Variants in NYAP2 observed in about 807,000 individuals in gnomAD.
NYAP2 encodes neuronal tyrosine-phosphorylated phosphoinositide-3-kinase adapter 2.
In NYAP2, 23 loss-of-function variants were observed where a neutral mutation model predicts 50.4. That is an observed-to-expected ratio of 0.46 (90% CI 0.33 to 0.65). NYAP2 has a LOEUF of 0.65. NYAP2 is among the 30% of genes least tolerant of loss of function. NYAP2 has a pLI of 0.02. For missense variants in NYAP2, 885 were observed against 861.0 expected (o/e 1.03, Z -0.35); for synonymous variants, 394 against 365.2 (o/e 1.08, Z -0.90).
At chr2:225,485,951 C>A (rs1690291673) in intron 3 of NYAP2, among the ~76,000 whole-genome samples, 1 of 152,202 alleles carries the variant, frequency 6.6e-6, no homozygotes, top group African/African-American at 2.4e-5. Context: ...ACCCCTCCCC[C>A]AGTCATGACA....
At chr2:225,491,916 T>TGAAA (rs1690414229) in intron 3 of NYAP2, among the ~76,000 whole-genome samples, 1 of 152,208 alleles carries the variant, frequency 6.6e-6, no homozygotes, top group African/African-American at 2.4e-5. Flanking sequence ...TCTCCAGTAG[T>TGAAA]GAAAGACTTA....
intron 4 of NYAP2, among the ~76,000 whole-genome samples, chr2:225,517,943 T>C (rs948524269): frequency 6.6e-6 from 1 of 152,028 alleles, no homozygotes; most frequent in South Asian, 2.1e-4. Flanking sequence ...AAAATAGAAC[T>C]ACCATGTGAT....
the NYAP2 span, among the ~76,000 whole-genome samples, chr2:225,661,032 C>T: frequency 6.6e-6 from 1 of 152,154 alleles, no homozygotes; most frequent in African/African-American, 2.4e-5. Flanking sequence ...ATCATTATCC[C>T]TCTTTTGCCA....
At position 225,580,457 on chromosome 2, in the gene NYAP2, C is replaced by A. The variant is rs1574690181; in HGVS notation, c.524-1484C>A. 2.0e-5 allele frequency among the ~76,000 whole-genome samples: 3 copies of A among 152,266 alleles called. No homozygotes were observed. The South Asian group carries it at 6.2e-4, about 32-fold the overall frequency. On this transcript the variant is annotated intron_variant, in intron 4 of 6. Transcript: ENST00000636099. ...AAAAGACTTTACTGCTACAGCCTCC[C>A]CCTGGAAAATAACATCTAGTTCTAC...
chr2:225,583,079 G>T (rs1425933376), intron 5 of NYAP2, 44 bp downstream of exon 5: 1 of 1,580,016 alleles, frequency 6.3e-7, no homozygotes, highest in African/African-American at 1.3e-5. Context: ...CCAGTGCCAG[G>T]CTTACAACCA....
rs1553554335 is a variant in NYAP2, at chr2:225,597,523, A to ATATATTTATATTTATT, written c.1618+14493_1618+14494insTTATATTTATTTATAT. ...GTATTCCAAGGAGAAATATATATATATATATATGTATCACAATTTCCTTAT... is the reference window on the plus strand; with the variant it reads ...GTATTCCAAGGAGAAATATATATATATATATTTATATTTATTTATATATGTATCACAATTTCCTTAT... On this transcript the variant is annotated intron_variant, in intron 5 of 6. Transcript: ENST00000636099. Among the ~76,000 whole-genome samples, 3 of 115,078 alleles carry ATATATTTATATTTATT rather than the reference A, an allele frequency of 2.6e-5. No individual in the cohort carries two copies. In the East Asian group the frequency reaches 8.5e-4, roughly 33 times the overall value. The allele number at this position is 115,078 out of a possible 152,430, so 75.5% of individuals were successfully genotyped here. A position where few individuals can be genotyped will look rare whatever the true frequency, so the allele number is the denominator to read the frequency against.
chr2:225,489,175 T>TTTTC (rs1023321199), intron 3 of NYAP2, among the ~76,000 whole-genome samples: 31 of 151,802 alleles, frequency 2.0e-4, no homozygotes, highest in African/African-American at 6.8e-4. Flanking sequence ...TTTTTCCCCT[T>TTTTC]TTTCTTTCTT....
chr2:225,415,819 T>C (rs1695113355), intron 3 of NYAP2, among the ~76,000 whole-genome samples: 1 of 152,082 alleles, frequency 6.6e-6, no homozygotes, highest in South Asian at 2.1e-4. Flanking sequence ...CCTAAGAGTA[T>C]TTGGGAATAC....
At chr2:225,513,731 A>G (rs984412277) in intron 4 of NYAP2, 59 bp downstream of exon 4, 3 of 1,359,346 alleles carry the variant, frequency 2.2e-6, no homozygotes, top group Admixed American at 2.9e-5. Flanking sequence ...TGTTCAGGTC[A>G]GCATGCCCAG....
chr2:225,417,616 T>G (rs1471858914), intron 3 of NYAP2, among the ~76,000 whole-genome samples: 2 of 152,194 alleles, frequency 1.3e-5, no homozygotes, highest in Non-Finnish European at 2.9e-5. Flanking sequence ...AAATCCATTA[T>G]TTTAATTAGT....
chr2:225,652,590 A>C (rs998164657), exon 7 of NYAP2: 1 of 152,186 alleles, frequency 6.6e-6, no homozygotes, highest in Non-Finnish European at 1.5e-5. Flanking sequence ...GTTACTGTTA[A>C]GTATTATAGG....
the NYAP2 span, among the ~76,000 whole-genome samples, chr2:225,684,455 C>T: frequency 2.0e-5 from 3 of 151,138 alleles, no homozygotes; most frequent in East Asian, 3.9e-4. Flanking sequence ...GTCAGCCTTA[C>T]CTTTTCTCCC....
chr2:225,532,917 C>T (rs1691282944), intron 4 of NYAP2, among the ~76,000 whole-genome samples: 1 of 152,162 alleles, frequency 6.6e-6, no homozygotes, highest in South Asian at 2.1e-4. Context: ...TGAGTGTCTA[C>T]TATGCATGTG....
At chr2:225,587,323 G>C (rs1184374548) in intron 5 of NYAP2, among the ~76,000 whole-genome samples, 1 of 151,750 alleles carries the variant, frequency 6.6e-6, no homozygotes, top group Non-Finnish European at 1.5e-5. Context: ...GAGTGAGATA[G>C]AGATGTTATA....
chr2:225,673,900 CCT>C, the NYAP2 span, among the ~76,000 whole-genome samples: 49 of 152,234 alleles, frequency 3.2e-4, no homozygotes, highest in East Asian at 5.2e-3. Flanking sequence ...TACCAACAGT[CCT>C]CTGTTTCCCT....
At chr2:225,628,343 T>A (rs1294484476) in intron 6 of NYAP2, among the ~76,000 whole-genome samples, 1 of 137,700 alleles carries the variant, frequency 7.3e-6, no homozygotes, top group Non-Finnish European at 1.5e-5. Context: ...TTTTTTGAGA[T>A]GGAGTTTCAC....
At chr2:225,421,196 C>T (rs1018692846) in intron 3 of NYAP2, among the ~76,000 whole-genome samples, 2 of 152,162 alleles carry the variant, frequency 1.3e-5, no homozygotes, top group Non-Finnish European at 2.9e-5. Context: ...AGGCATGAGT[C>T]ACCACACCTA....
At chr2:225,552,519 A>G (rs1001427880) in intron 4 of NYAP2, among the ~76,000 whole-genome samples, 7 of 152,090 alleles carry the variant, frequency 4.6e-5, no homozygotes, top group Non-Finnish European at 7.4e-5. Flanking sequence ...CTCATAAATC[A>G]GATTGGTGCT....
the NYAP2 span, among the ~76,000 whole-genome samples, chr2:225,661,215 C>A: frequency 2.6e-5 from 4 of 152,184 alleles, no homozygotes; most frequent in Admixed American, 2.6e-4. Context: ...ATTGCATGTG[C>A]ATTAGGAATA....
Sources: gnomAD v4.1 joint callset for allele counts (sites outside exome capture counted in the v4.1 genomes callset) on GRCh38, gnomAD v4.1.1 for gene constraint, MANE v1.5 for transcripts, NCBI Gene and HGNC (gene_info 2026-07-23, HGNC 2026-07-21) for gene names.